Variants in ANTXR2 observed in about 807,000 individuals in gnomAD.
ANTXR2 encodes ANTXR cell adhesion molecule 2.
ANTXR2 carries 44 observed loss-of-function variants against 73.7 expected under a neutral mutation model. That is an observed-to-expected ratio of 0.60 (90% CI 0.47 to 0.77). ANTXR2 has a LOEUF of 0.77. Among genes scored for constraint, ANTXR2 ranks in the 30% least tolerant of loss-of-function variants. The probability of loss-of-function intolerance (pLI) is 0.00; values close to 1 mark genes in which losing one functional copy is unlikely to be tolerated. For missense variants in ANTXR2, 604 were observed against 592.5 expected, an observed-to-expected ratio of 1.02 and a Z score of -0.20; for synonymous variants, 217 against 205.9, an observed-to-expected ratio of 1.05 and a Z score of -0.46.
At chr4:79,995,135 C>T (rs1448607891) in intron 12 of ANTXR2, among the ~76,000 whole-genome samples, 3 of 151,982 alleles carry the variant, frequency 2.0e-5, no homozygotes, top group African/African-American at 7.2e-5. Context: ...ACCATTTATG[C>T]ATCATTAATT....
At chr4:80,000,662 G>A (rs1403704354) in intron 12 of ANTXR2, among the ~76,000 whole-genome samples, 1 of 152,068 alleles carries the variant, frequency 6.6e-6, no homozygotes, top group East Asian at 1.9e-4. Context: ...ACAGGATAAT[G>A]TTATAAGAAT....
chr4:80,063,133 C>T (rs866981755), intron 3 of ANTXR2, among the ~76,000 whole-genome samples: 1 of 151,914 alleles, frequency 6.6e-6, no homozygotes, highest in Non-Finnish European at 1.5e-5. Flanking sequence ...TGTGTAGAAC[C>T]TTAGTTAGTC....
At chr4:80,003,014 G>A (rs185142005) in intron 12 of ANTXR2, among the ~76,000 whole-genome samples, 52 of 142,908 alleles carry the variant, frequency 3.6e-4, no homozygotes, top group Middle Eastern at 3.6e-3. Context: ...CATTCCTCAG[G>A]GATCTAGAAC....
At chr4:80,065,707 G>GT (rs1734465108) in intron 3 of ANTXR2, among the ~76,000 whole-genome samples, 1 of 152,194 alleles carries the variant, frequency 6.6e-6, no homozygotes, top group South Asian at 2.1e-4. Flanking sequence ...CAGCCCTACG[G>GT]TAAGTATTTA....
intron 11 of ANTXR2, among the ~76,000 whole-genome samples, chr4:80,015,621 A>T (rs1731799167): frequency 6.6e-6 from 1 of 151,970 alleles, no homozygotes; most frequent in Admixed American, 6.6e-5. Flanking sequence ...TGATTTCTCA[A>T]GGCAATAAAA....
At chr4:79,989,455 A>T (rs908716066) in intron 12 of ANTXR2, among the ~76,000 whole-genome samples, 4 of 152,102 alleles carry the variant, frequency 2.6e-5, no homozygotes, top group African/African-American at 9.7e-5. Flanking sequence ...ATTTATCCTG[A>T]ACAGATAAAT....
chr4:80,027,076 G>A (rs921515872), intron 10 of ANTXR2, among the ~76,000 whole-genome samples: 2 of 152,002 alleles, frequency 1.3e-5, no homozygotes, highest in African/African-American at 4.8e-5. Flanking sequence ...TGATTCTAAT[G>A]TTCATATTCA....
chr4:80,037,303 G>C (rs1455076594), intron 7 of ANTXR2, among the ~76,000 whole-genome samples: 1 of 152,106 alleles, frequency 6.6e-6, no homozygotes, highest in African/African-American at 2.4e-5. Flanking sequence ...CATGCTTTCT[G>C]TGCTTTCTTT....
chr4:79,998,755 A>G (rs1487019975), intron 12 of ANTXR2, among the ~76,000 whole-genome samples: 1 of 152,068 alleles, frequency 6.6e-6, no homozygotes, highest in Non-Finnish European at 1.5e-5. Flanking sequence ...TGAACAGGAT[A>G]CAGACTCTTA....
chr4:80,030,948 A>C (rs1037336247), intron 10 of ANTXR2, among the ~76,000 whole-genome samples: 1 of 152,042 alleles, frequency 6.6e-6, no homozygotes, highest in African/African-American at 2.4e-5. Flanking sequence ...CATAGAACTG[A>C]AAAAAATCAC....
At chr4:79,982,652 A>G (rs1729939781) in intron 14 of ANTXR2, among the ~76,000 whole-genome samples, 1 of 152,138 alleles carries the variant, frequency 6.6e-6, no homozygotes, top group African/African-American at 2.4e-5. Context: ...AGTTTCTAGC[A>G]CACAAAAATA....
chr4:79,993,659 A>G (rs1730579724), intron 12 of ANTXR2, among the ~76,000 whole-genome samples: 1 of 151,774 alleles, frequency 6.6e-6, no homozygotes, highest in South Asian at 2.1e-4. Flanking sequence ...ACATCATTTG[A>G]AAGTTTTTCC....
rs776102133 is a variant in ANTXR2, at chr4:79,907,399, T to TA, written c.*29_*30insT. ...TCAGCTATGTGAAAATGTGCCATCT[T>TA]CGTACCTTCTTGGTCTTCCTGCTTC... On this transcript the variant is annotated 3_prime_UTR_variant, in exon 17 of 17. Coordinates refer to ENST00000403729, the MANE Select transcript of ANTXR2 (RefSeq NM_058172.6). 32 of 1,607,728 alleles carry TA rather than the reference T, an allele frequency of 2.0e-5. No homozygotes were observed. Among genetic ancestry groups the TA allele is most frequent in the Non-Finnish European group, 2.7e-5 (32 of 1,175,420 alleles).
At chr4:80,060,009 A>G (rs1264899230) in intron 3 of ANTXR2, among the ~76,000 whole-genome samples, 1 of 152,164 alleles carries the variant, frequency 6.6e-6, no homozygotes, top group Non-Finnish European at 1.5e-5. Flanking sequence ...GTGTCTGTAC[A>G]GTACTTGAAC....
chr4:80,072,064 C>G (rs1417913020), intron 1 of ANTXR2, among the ~76,000 whole-genome samples: 1 of 152,114 alleles, frequency 6.6e-6, no homozygotes, highest in Non-Finnish European at 1.5e-5. Context: ...AGCCTGCGTA[C>G]GAGCAGGGTC....
chr4:79,986,777 C>T (rs1357293722), intron 12 of ANTXR2, among the ~76,000 whole-genome samples: 3 of 152,098 alleles, frequency 2.0e-5, no homozygotes, highest in African/African-American at 7.2e-5. Flanking sequence ...TGGGAACACC[C>T]CAGTCCTTCC....
At chr4:79,998,338 T>C (rs1730835355) in intron 12 of ANTXR2, among the ~76,000 whole-genome samples, 1 of 152,028 alleles carries the variant, frequency 6.6e-6, no homozygotes, top group South Asian at 2.1e-4. Context: ...CTGCAGAACA[T>C]TGGCCAAGGA....
chr4:80,014,488 C>T (rs1282377412), intron 11 of ANTXR2, among the ~76,000 whole-genome samples: 2 of 152,136 alleles, frequency 1.3e-5, no homozygotes, highest in East Asian at 1.9e-4. Flanking sequence ...ATTGCTTGAA[C>T]CCGGGAAGCA....
rs1432861427 is a variant in ANTXR2 at position 80,069,427 on chromosome 4, T to C, written c.296+9A>G. 2 of 1,568,254 alleles carry C rather than the reference T, an allele frequency of 1.3e-6. No homozygotes were observed. The highest frequency in any genetic ancestry group is 1.7e-6 in the Non-Finnish European group (2 of 1,144,026). On this transcript the variant is annotated intron_variant, in intron 3 of 16. Transcript: ENST00000403729. ...CTAAAAGCCTGCAGTGAAATGATAA[T>C]GCACTAACCTGTCTCCAGTTAATGG...
Sources: allele counts gnomAD v4.1 joint callset (sites outside exome capture counted in the v4.1 genomes callset), GRCh38; gene constraint gnomAD v4.1.1; transcripts MANE v1.5; gene names NCBI Gene and HGNC (gene_info 2026-07-23, HGNC 2026-07-21).